Variants in NCK1 observed in about 807,000 individuals in gnomAD.
The protein encoded by NCK1 is SH2/SH3 adapter protein NCK1.
A neutral mutation model predicts 36.6 loss-of-function variants in NCK1; 19 were observed. That is an observed-to-expected ratio of 0.52 (90% CI 0.36 to 0.76). The LOEUF (loss-of-function observed/expected upper bound fraction) is 0.76. Among genes scored for constraint, NCK1 ranks in the 30% least tolerant of loss-of-function variants. The probability of loss-of-function intolerance (pLI) is 0.00; values close to 1 mark genes in which losing one functional copy is unlikely to be tolerated. For synonymous variants in NCK1, 165 were observed against 156.0 expected (o/e 1.06, Z -0.43); for missense variants, 358 against 445.6 (o/e 0.80, Z 1.77).
chr3:136,862,883 T>C (rs1938282242), intron 1 of NCK1, among the ~76,000 whole-genome samples: 1 of 104,190 alleles, frequency 9.6e-6, no homozygotes, highest in East Asian at 3.4e-4. Flanking sequence ...CCGGCCGTTT[T>C]CTAGTCTGGG....
chr3:136,948,354 A>G lies in NCK1; in HGVS notation c.1035A>G (p.Lys345=), dbSNP rs1301995660. ...KETVYCIGQR[K]FSTMEELVEH... is the part of the protein sequence containing the mutation. The stretch of plus-strand genomic sequence containing the variant: ...CTGTCTACTGCATTGGGCAGCGTAA[A>G]TTCAGCACCATGGAAGAACTTGTAG... The change falls in exon 4 of 4, where the codon AAA becomes AAG. Residue 345 remains lysine (K), a synonymous_variant. Transcript: ENST00000481752. 1 of 1,613,420 alleles carries G rather than the reference A, an allele frequency of 6.2e-7. No individual in the cohort carries two copies. Among genetic ancestry groups the G allele is most frequent in the Non-Finnish European group, 8.5e-7 (1 of 1,179,470 alleles).
chr3:136,875,732 T>A (rs1410988804), intron 1 of NCK1, among the ~76,000 whole-genome samples: 1 of 148,976 alleles, frequency 6.7e-6, no homozygotes, highest in Admixed American at 6.7e-5. Flanking sequence ...CTGTCAACAT[T>A]AGACAGATCA....
At chr3:136,875,111 T>C (rs976176250) in intron 1 of NCK1, among the ~76,000 whole-genome samples, 1 of 152,242 alleles carries the variant, frequency 6.6e-6, no homozygotes, top group African/African-American at 2.4e-5. Flanking sequence ...TTTTCTTTAA[T>C]TATTTTATTG....
At chr3:136,936,192 C>T (rs1002104373) in intron 2 of NCK1, among the ~76,000 whole-genome samples, 3 of 152,018 alleles carry the variant, frequency 2.0e-5, no homozygotes, top group African/African-American at 4.8e-5. Context: ...AGGCACATGC[C>T]ACCACGCCTG....
intron 1 of NCK1, among the ~76,000 whole-genome samples, chr3:136,902,084 A>T (rs1939555200): frequency 1.3e-5 from 2 of 148,978 alleles, no homozygotes; most frequent in Non-Finnish European, 3.0e-5. Context: ...AATTTTTTTG[A>T]TTTCTTCCTT....
intron 1 of NCK1, among the ~76,000 whole-genome samples, 171 bp downstream of exon 1, chr3:136,862,524 A>G (rs1422842326): frequency 6.6e-6 from 1 of 152,144 alleles, no homozygotes; most frequent in East Asian, 1.9e-4. Context: ...GGCTGCTCGG[A>G]GGGTCCAGAC....
At chr3:136,936,141 A>G (rs546192375) in intron 2 of NCK1, among the ~76,000 whole-genome samples, 1 of 151,576 alleles carries the variant, frequency 6.6e-6, no homozygotes, top group Non-Finnish European at 1.5e-5. Context: ...CTTGGGTTCA[A>G]GTGATTCTCC....
chr3:136,911,485 AT>A (rs1227106433), intron 1 of NCK1, among the ~76,000 whole-genome samples: 4 of 152,304 alleles, frequency 2.6e-5, no homozygotes, highest in African/African-American at 9.6e-5. Flanking sequence ...TTCCCTAATG[AT>A]TAGTGATGCT....
At chr3:136,864,496 A>G (rs1453273554) in intron 1 of NCK1, among the ~76,000 whole-genome samples, 3 of 148,542 alleles carry the variant, frequency 2.0e-5, no homozygotes, top group African/African-American at 7.6e-5. Flanking sequence ...ACACACACAC[A>G]AAAAAAAAAC....
chr3:136,907,711 T>C (rs1432395360), intron 1 of NCK1, among the ~76,000 whole-genome samples: 1 of 152,222 alleles, frequency 6.6e-6, no homozygotes, highest in Non-Finnish European at 1.5e-5. Flanking sequence ...TCCCTTTTCA[T>C]GGAAGAGGCA....
At chr3:136,899,445 A>T (rs1939482745) in intron 1 of NCK1, 4 of 274,194 alleles carry the variant, frequency 1.5e-5, no homozygotes, top group Non-Finnish European at 1.5e-5. Context: ...AATTTCTTTA[A>T]CTTTACTTTT....
intron 1 of NCK1, among the ~76,000 whole-genome samples, chr3:136,882,692 G>T (rs1402703423): frequency 6.6e-6 from 1 of 152,014 alleles, no homozygotes; most frequent in African/African-American, 2.4e-5. Context: ...TTTGGAAGGG[G>T]AAGTGTGTGT....
chr3:136,898,940 C>A (rs575752923), intron 1 of NCK1: 112 of 152,852 alleles, frequency 7.3e-4, no homozygotes, highest in Admixed American at 7.2e-4. Flanking sequence ...GGCTAGAGAT[C>A]ATTTATAGGA....
At position 136,922,190 on chromosome 3, in the gene NCK1, T is replaced by C. The variant is rs542990455; in HGVS notation, c.-18-5794T>C. Among the ~76,000 whole-genome samples the C allele has an allele frequency of 1.2e-3, 178 of 152,216 alleles. 1 individual carries two copies. The highest frequency in any genetic ancestry group is 1.1e-3 in the Non-Finnish European group (74 of 68,004). On this transcript the variant is annotated intron_variant, in intron 1 of 3. Coordinates refer to ENST00000481752, the MANE Select transcript of NCK1 (RefSeq NM_001291999.2). ...CAAACTTATTATTTATGACAGGAGG[T>C]GGTGGTACAAATTAGGCCCACCAAT...
rs1324675069 is a variant in NCK1 at position 136,948,440 on chromosome 3, A to G, written c.1121A>G (p.Lys374Arg). 3 of 1,612,110 alleles carry G rather than the reference A, an allele frequency of 1.9e-6. No individual in the cohort carries two copies. The highest frequency in any genetic ancestry group is 2.5e-6 in the Non-Finnish European group (3 of 1,178,728). ...CAAGGAGAAAAATTATATCTTGTCA[A>G]GCATTTATCATGATACTGCTGACCA... ...SEQGEKLYLV[K>R]HLS Residue 374 changes from lysine (K) to arginine (R), a missense_variant, in exon 4 of 4, where the codon AAG becomes AGG. By Grantham distance (26) the Lys-to-Arg change is conservative. Around this residue, in one of 3 missense-constraint regions of NCK1, gnomAD observed 207 missense variants for 253.4 expected, o/e 0.82. Transcript: ENST00000481752.
At chr3:136,929,944 T>C (rs1291820093) in intron 2 of NCK1, among the ~76,000 whole-genome samples, 2 of 152,216 alleles carry the variant, frequency 1.3e-5, no homozygotes, top group Admixed American at 1.3e-4. Context: ...TGAGACAGTT[T>C]TATCAAGATT....
At chr3:136,935,050 C>T (rs933770663) in intron 2 of NCK1, among the ~76,000 whole-genome samples, 12 of 152,174 alleles carry the variant, frequency 7.9e-5, no homozygotes, top group Middle Eastern at 6.8e-3. Flanking sequence ...TACAGGTGTG[C>T]GCCACCATGA....
At chr3:136,922,418 C>T (rs1940136673) in intron 1 of NCK1, among the ~76,000 whole-genome samples, 1 of 152,118 alleles carries the variant, frequency 6.6e-6, no homozygotes, top group Non-Finnish European at 1.5e-5. Context: ...TTCAGGTGAC[C>T]ATCTGCCTAT....
intron 1 of NCK1, among the ~76,000 whole-genome samples, chr3:136,918,694 T>C (rs180740671): frequency 4.5e-4 from 68 of 152,346 alleles, no homozygotes; most frequent in Admixed American, 4.1e-3. Context: ...TATTTTAAGC[T>C]CATCAGCTAT....
Sources: gnomAD v4.1 joint callset for allele counts (sites outside exome capture counted in the v4.1 genomes callset) on GRCh38, gnomAD v4.1.1 for gene constraint, gnomAD v4.1.1 regional missense constraint, MANE v1.5 for transcripts, NCBI Gene and HGNC (gene_info 2026-07-23, HGNC 2026-07-21) for gene names.